Variants in CCDC146 observed in about 807,000 individuals in gnomAD.
The protein encoded by CCDC146 is coiled-coil domain-containing protein 146.
CCDC146 carries 92 observed loss-of-function variants against 119.3 expected under a neutral mutation model. That is an observed-to-expected ratio of 0.77 (90% CI 0.65 to 0.92). The LOEUF (loss-of-function observed/expected upper bound fraction) is 0.92. Ranked by LOEUF, CCDC146 falls within the 40% of genes least tolerant of loss-of-function variation. The pLI is 0.00. For missense variants in CCDC146, 1,000 were observed against 1,103.0 expected, an observed-to-expected ratio of 0.91 and a Z score of 1.32; for synonymous variants, 372 against 371.8, an observed-to-expected ratio of 1.00 and a Z score of -0.01.
In CCDC146 at chr7:77,177,167, G is replaced by A. The variant is rs140543956; in HGVS notation, c.156+9343G>A. Among the ~76,000 whole-genome samples, 176 of 152,216 alleles carry A rather than the reference G, an allele frequency of 1.2e-3. No individual in the cohort carries two copies. The East Asian group carries it at 0.03, about 26-fold the overall frequency. On this transcript the variant is annotated intron_variant, in intron 2 of 18. Transcript: ENST00000285871. ...TAAAGTTTTAATTACTGAAAGTATC[G>A]GTGATTTGCTGACGCTACTAAAGCT...
intron 2 of CCDC146, among the ~76,000 whole-genome samples, chr7:77,202,188 C>CA (rs1792004333): frequency 6.6e-6 from 1 of 152,248 alleles, no homozygotes; most frequent in Non-Finnish European, 1.5e-5. Flanking sequence ...CCTCTGCATG[C>CA]AAAACCGCTA....
intron 2 of CCDC146, among the ~76,000 whole-genome samples, chr7:77,213,087 T>G (rs1268822382): frequency 6.6e-6 from 1 of 152,034 alleles, no homozygotes; most frequent in East Asian, 1.9e-4. Context: ...GATGGCTTTT[T>G]GTGTGGTGGT....
intron 8 of CCDC146, 112 bp downstream of exon 8, chr7:77,260,348 T>G (rs1288600185): frequency 8.1e-6 from 6 of 739,828 alleles, no homozygotes; most frequent in Non-Finnish European, 1.3e-5. Context: ...TAAAAATAAT[T>G]TTAAATCAAC....
chr7:77,218,604 C>T (rs1274423223), intron 2 of CCDC146, among the ~76,000 whole-genome samples: 1 of 151,188 alleles, frequency 6.6e-6, no homozygotes, highest in Non-Finnish European at 1.5e-5. Flanking sequence ...ATGGTAAAAT[C>T]TACCAATTCT....
At chr7:77,293,747 C>T (rs1385271204) in intron 18 of CCDC146, among the ~76,000 whole-genome samples, 3 of 152,230 alleles carry the variant, frequency 2.0e-5, no homozygotes, top group African/African-American at 7.2e-5. Flanking sequence ...AGTTAGATAG[C>T]AGATCTTCTG....
intron 2 of CCDC146, among the ~76,000 whole-genome samples, chr7:77,233,851 C>T (rs1327613809): frequency 6.6e-6 from 1 of 152,072 alleles, no homozygotes; most frequent in African/African-American, 2.4e-5. Flanking sequence ...TGCAAAATGC[C>T]AAATACAATC....
chr7:77,185,557 A>G (rs1791654528), intron 2 of CCDC146, among the ~76,000 whole-genome samples: 1 of 152,222 alleles, frequency 6.6e-6, no homozygotes, highest in Non-Finnish European at 1.5e-5. Context: ...CCCCTAAAGC[A>G]GATATGGCTT....
intron 15 of CCDC146, among the ~76,000 whole-genome samples, chr7:77,286,268 A>G (rs1328065931): frequency 6.6e-6 from 1 of 152,126 alleles, no homozygotes; most frequent in African/African-American, 2.4e-5. Flanking sequence ...CTGTTTTTAA[A>G]CAACCAGATG....
rs1246145387 is a variant in CCDC146 at position 77,282,729 on chromosome 7, A to T, written c.2092A>T (p.Lys698Ter). 1.9e-6 allele frequency: 3 copies of T among 1,614,228 alleles called. No individual in the cohort carries two copies. The highest frequency in any genetic ancestry group is 2.5e-6 in the Non-Finnish European group (3 of 1,180,030). The change falls in exon 15 of 19, where the codon AAA (lysine) becomes TAA (stop). Residue 698 changes from lysine (K) to a stop codon, truncating the protein, a stop_gained. Transcript: ENST00000285871. LOFTEE classifies it high-confidence loss of function. ...EKQRQICVTQ[K>*]LLPAKRSLDA... ...GCAAAGACAAATTTGTGTGACCCAGAAATTACTGCCAGCCAAGAGGTCCCT... is the reference window on the plus strand; with the variant it reads ...GCAAAGACAAATTTGTGTGACCCAGTAATTACTGCCAGCCAAGAGGTCCCT...
intron 1 of CCDC146, among the ~76,000 whole-genome samples, chr7:77,135,356 T>C (rs912044012): frequency 6.6e-6 from 1 of 151,566 alleles, no homozygotes. Flanking sequence ...GATGTGGTGG[T>C]GTGCATCTGT....
At chr7:77,288,167 G>A (rs1004407760) in intron 17 of CCDC146, among the ~76,000 whole-genome samples, 2 of 152,144 alleles carry the variant, frequency 1.3e-5, no homozygotes, top group African/African-American at 2.4e-5. Flanking sequence ...GCACTGAAAG[G>A]AGCAGCCAGC....
chr7:77,237,256 T>C (rs1005495169), intron 3 of CCDC146, among the ~76,000 whole-genome samples: 3 of 152,158 alleles, frequency 2.0e-5, no homozygotes, highest in Admixed American at 2.0e-4. Context: ...CGAGTTTATA[T>C]GATGGGCTAC....
chr7:77,259,952 GT>G, intron 7 of CCDC146, 56 bp from the exon 8 acceptor site: 1 of 99,000 alleles, frequency 1.0e-5, no homozygotes. Context: ...GTGTGTGTGT[GT>G]GTGTGTGTGT....
intron 2 of CCDC146, among the ~76,000 whole-genome samples, chr7:77,230,967 A>G (rs1275451388): frequency 1.3e-5 from 2 of 152,178 alleles, no homozygotes; most frequent in African/African-American, 4.8e-5. Context: ...GATTTCAGGT[A>G]TCCGTGGTCA....
At chr7:77,241,080 T>C (rs1262290251) in intron 3 of CCDC146, among the ~76,000 whole-genome samples, 2 of 68,294 alleles carry the variant, frequency 2.9e-5, no homozygotes, top group Non-Finnish European at 6.5e-5. Context: ...TCGGCTGAGA[T>C]GGAGTCTCAC....
chr7:77,207,787 G>A, intron 2 of CCDC146, among the ~76,000 whole-genome samples: 1 of 152,010 alleles, frequency 6.6e-6, no homozygotes, highest in Middle Eastern at 3.2e-3. Context: ...GTCCTTTTCA[G>A]GTGTAACATT....
chr7:77,149,501 C>T (rs1791074511), intron 1 of CCDC146, among the ~76,000 whole-genome samples: 1 of 152,094 alleles, frequency 6.6e-6, no homozygotes, highest in African/African-American at 2.4e-5. Context: ...TGCAGTGGCT[C>T]ATGTCTGTAA....
intron 2 of CCDC146, among the ~76,000 whole-genome samples, chr7:77,225,418 T>C (rs1424156164): frequency 6.6e-6 from 1 of 151,700 alleles, no homozygotes; most frequent in East Asian, 1.9e-4. Context: ...CGGGGCATGG[T>C]GATGCACACC....
At chr7:77,212,666 G>T (rs1254849331) in intron 2 of CCDC146, among the ~76,000 whole-genome samples, 4 of 149,612 alleles carry the variant, frequency 2.7e-5, no homozygotes, top group Non-Finnish European at 4.5e-5. Context: ...CCCATTCACA[G>T]TGATATGTCT....
Sources: gnomAD v4.1 joint callset for allele counts (sites outside exome capture counted in the v4.1 genomes callset) on GRCh38, gnomAD v4.1.1 for gene constraint, MANE v1.5 for transcripts, NCBI Gene and HGNC (gene_info 2026-07-23, HGNC 2026-07-21) for gene names.